Variants in TRIM29 observed in about 807,000 individuals in gnomAD.
TRIM29 encodes the protein tripartite motif containing 29.
Under a neutral mutation model 57.3 loss-of-function variants are expected in TRIM29, and 52 were observed. That is an observed-to-expected ratio of 0.91 (90% CI 0.73 to 1.14). The LOEUF (loss-of-function observed/expected upper bound fraction) is 1.14, where lower values mean the gene tolerates loss of function less well. Ranked by LOEUF, TRIM29 falls within the 50% of genes most tolerant of loss-of-function variation. The probability of loss-of-function intolerance (pLI) is 0.00; values close to 1 mark genes in which losing one functional copy is unlikely to be tolerated. For synonymous variants in TRIM29, 319 were observed against 316.9 expected (o/e 1.01, Z -0.07); for missense variants, 753 against 774.6 (o/e 0.97, Z 0.33).
chr11:120,125,597 A>G, intron 4 of TRIM29, 94 bp downstream of exon 4: 3 of 1,368,488 alleles, frequency 2.2e-6, no homozygotes, highest in South Asian at 2.6e-5. Context: ...AATGAGAAGA[A>G]GCTCACTGGA....
At chr11:120,129,461 G>A (rs1362220775) in intron 1 of TRIM29, among the ~76,000 whole-genome samples, 2 of 152,132 alleles carry the variant, frequency 1.3e-5, no homozygotes, top group Non-Finnish European at 2.9e-5. Flanking sequence ...GATTGCTCCA[G>A]ATCTCCCCAC....
At chr11:120,128,676 G>A (rs767365038) in intron 1 of TRIM29, 181 bp from the exon 2 acceptor site, 179 of 1,534,350 alleles carry the variant, frequency 1.2e-4, no homozygotes, top group Middle Eastern at 1.7e-4. Flanking sequence ...CATGCCAGTC[G>A]CCAAGGATCT....
Position 120,125,800 on chromosome 11 carries a change from T to C in TRIM29, c.1224A>G (p.Ser408=). ...GCAGGTCGTCCTTGAAGTTGCCTAG[T>C]GACTGTCCCAGGCCCTCCCCCTCCA... The part of the protein sequence containing the change: ...VLLEGEGLGQ[S]LGNFKDDLLN... The change falls in exon 4 of 9, where the codon TCA becomes TCG. Residue 408 remains serine (S), a synonymous_variant. Transcript: ENST00000341846. The C allele has an allele frequency of 6.2e-7, 1 of 1,614,136 alleles. No homozygotes were observed. The highest frequency in any genetic ancestry group is 1.6e-4 in the Middle Eastern group (1 of 6,062).
intron 8 of TRIM29, among the ~76,000 whole-genome samples, chr11:120,113,949 G>A (rs1863202033): frequency 6.6e-6 from 1 of 152,138 alleles, no homozygotes; most frequent in Admixed American, 6.5e-5. Context: ...CCTGGCTTGA[G>A]GTCACAGCAC....
chr11:120,121,029 G>A, intron 5 of TRIM29: 1 of 374,016 alleles, frequency 2.7e-6, no homozygotes, highest in South Asian at 2.1e-5. Flanking sequence ...GGAGATCAGA[G>A]CCTCACTTCA....
At chr11:120,115,471 G>A (rs2276160) in intron 7 of TRIM29, 57 bp from the exon 8 acceptor site, 20 of 1,495,752 alleles carry the variant, frequency 1.3e-5, no homozygotes, top group Middle Eastern at 1.7e-4. Flanking sequence ...AGGGGTGCCC[G>A]GGCCCAGAGC....
chr11:120,118,169 G>T lies in TRIM29; in HGVS notation c.1627+54C>A, dbSNP rs1863327335. ...CAGCGAAGAGACCCAAGCAGGGCTT[G>T]GGAGGTGTGAGGCAGCTGTGGAGGA... On this transcript the variant is annotated intron_variant, in intron 7 of 8. Transcript: ENST00000341846. 5 of 1,506,562 alleles carry T rather than the reference G, an allele frequency of 3.3e-6. No homozygotes were observed. In the East Asian group the frequency reaches 9.2e-5, roughly 28 times the overall value. The allele number at this position is 1,506,562 out of a possible 1,614,324, so 93.3% of individuals were successfully genotyped here.
At chr11:120,130,165 T>TCG (rs1863690264) in intron 1 of TRIM29, among the ~76,000 whole-genome samples, 1 of 151,574 alleles carries the variant, frequency 6.6e-6, no homozygotes, top group East Asian at 2.0e-4. Context: ...AAAGGCCTCT[T>TCG]AGGAGGCTGG....
At chr11:120,135,584 C>T (rs1320553473) in intron 1 of TRIM29, among the ~76,000 whole-genome samples, 5 of 152,128 alleles carry the variant, frequency 3.3e-5, no homozygotes, top group Non-Finnish European at 7.3e-5. Flanking sequence ...TTCATGGCCC[C>T]GTCCCATCTA....
At chr11:120,121,614 C>A (rs1375908997) in intron 5 of TRIM29, 1 of 174,436 alleles carries the variant, frequency 5.7e-6, no homozygotes, top group East Asian at 1.4e-4. Context: ...AGTCTCCCAG[C>A]ATGTGAGCAC....
intron 5 of TRIM29, chr11:120,121,018 G>A (rs948239652): frequency 7.1e-5 from 27 of 380,448 alleles, no homozygotes; most frequent in South Asian, 2.5e-4. Context: ...GCTGCTTCCC[G>A]GGAGATCAGA....
intron 6 of TRIM29, among the ~76,000 whole-genome samples, chr11:120,119,212 A>G (rs1284411153): frequency 6.6e-6 from 1 of 152,214 alleles, no homozygotes; most frequent in Admixed American, 6.5e-5. Context: ...CAGGGCACTC[A>G]GAGGGCACTG....
chr11:120,131,427 G>C (rs1023038860), intron 1 of TRIM29, among the ~76,000 whole-genome samples: 11 of 152,152 alleles, frequency 7.2e-5, no homozygotes, highest in African/African-American at 2.7e-4. Context: ...AGAGCCAGAG[G>C]TGTTGGCGGA....
chr11:120,112,520 G>A (rs1863160215), intron 8 of TRIM29, 44 bp from the exon 9 acceptor site: 9 of 1,608,374 alleles, frequency 5.6e-6, no homozygotes, highest in African/African-American at 1.3e-5. Context: ...GACGACAGAT[G>A]AGCCTGCTAG....
In TRIM29 at chr11:120,118,220, C is replaced by T; in HGVS notation, c.1627+3G>A. On this transcript the variant is annotated splice_donor_region_variant and intron_variant, in intron 7 of 8. Transcript: ENST00000341846. ...AAGCAGGGGCCAGGGTGGGCAAGCT[C>T]ACCTTTCAGGGAGAAGGAGGAGCTG... 6.2e-7 allele frequency: 1 copy of T among 1,613,816 alleles called. No individual in the cohort carries two copies. The highest frequency in any genetic ancestry group is 1.1e-5 in the South Asian group (1 of 91,004).
intron 1 of TRIM29, among the ~76,000 whole-genome samples, chr11:120,134,846 G>A (rs1863787631): frequency 6.6e-6 from 1 of 152,208 alleles, no homozygotes; most frequent in Non-Finnish European, 1.5e-5. Context: ...CTGTGCCTGT[G>A]TCCCTATCTG....
At chr11:120,125,651 G>T in intron 4 of TRIM29, 40 bp downstream of exon 4, 1 of 1,606,614 alleles carries the variant, frequency 6.2e-7, no homozygotes, top group Admixed American at 1.7e-5. Context: ...GGGAGAGAAA[G>T]GTCTATGGCC....
At chr11:120,117,680 A>G (rs1591318693) in intron 7 of TRIM29, 1 of 159,662 alleles carries the variant, frequency 6.3e-6, no homozygotes, top group Non-Finnish European at 1.4e-5. Flanking sequence ...GGCGTCAATC[A>G]CTCTGCCTTG....
At chr11:120,127,625 T>A in intron 2 of TRIM29, 56 bp from the exon 3 acceptor site, 1 of 1,512,216 alleles carries the variant, frequency 6.6e-7, no homozygotes, top group Non-Finnish European at 9.0e-7. Flanking sequence ...GGGAAAGAAA[T>A]CACCCTAGTC....
Sources: allele counts gnomAD v4.1 joint callset (sites outside exome capture counted in the v4.1 genomes callset), GRCh38; gene constraint gnomAD v4.1.1; transcripts MANE v1.5; gene names NCBI Gene and HGNC (gene_info 2026-07-23, HGNC 2026-07-21).